The following ST6GALNAC3 variants were observed in gnomAD, a reference collection of about 807,000 sequenced individuals.
ST6GALNAC3 encodes the protein alpha-N-acetylgalactosaminide alpha-2,6-sialyltransferase 3.
In ST6GALNAC3, 25 loss-of-function variants were observed where a neutral mutation model predicts 32.7. The ratio of observed to expected loss-of-function variants is 0.76; its 90% confidence interval spans 0.56 to 1.07. The LOEUF (loss-of-function observed/expected upper bound fraction) is 1.07. ST6GALNAC3 is among the 50% of genes least tolerant of loss of function. The pLI is 0.00. For synonymous variants in ST6GALNAC3, 129 were observed against 133.1 expected (o/e 0.97, Z 0.21); for missense variants, 355 against 382.4 (o/e 0.93, Z 0.60).
intron 3 of ST6GALNAC3, among the ~76,000 whole-genome samples, chr1:76,418,385 G>T (rs1347957684): frequency 6.6e-6 from 1 of 151,500 alleles, no homozygotes; most frequent in Non-Finnish European, 1.5e-5. Context: ...CTTGAAGGTG[G>T]AGGGCAAAAA....
At chr1:76,363,707 G>A (rs1650144178) in intron 2 of ST6GALNAC3, among the ~76,000 whole-genome samples, 1 of 152,156 alleles carries the variant, frequency 6.6e-6, no homozygotes, top group South Asian at 2.1e-4. Context: ...AGGCTATGCA[G>A]GAAGCATGAT....
intron 2 of ST6GALNAC3, among the ~76,000 whole-genome samples, chr1:76,335,457 A>ACACACACACT (rs1553180885): frequency 6.9e-6 from 1 of 145,598 alleles, no homozygotes; most frequent in Non-Finnish European, 1.5e-5. Flanking sequence ...ACACACACAC[A>ACACACACACT]CTCACACTCA....
chr1:76,552,028 A>C (rs1664668335), intron 3 of ST6GALNAC3, among the ~76,000 whole-genome samples: 1 of 152,172 alleles, frequency 6.6e-6, no homozygotes, highest in Non-Finnish European at 1.5e-5. Context: ...ATGGGTTTCC[A>C]AGGGTGTGGA....
intron 1 of ST6GALNAC3, among the ~76,000 whole-genome samples, chr1:76,218,477 G>T (rs756031394): frequency 6.6e-6 from 1 of 152,336 alleles, no homozygotes; most frequent in African/African-American, 2.4e-5. Context: ...CTGGTATGGT[G>T]AGGATAACTA....
intron 2 of ST6GALNAC3, among the ~76,000 whole-genome samples, chr1:76,401,184 C>T (rs1653386108): frequency 6.6e-6 from 1 of 152,080 alleles, no homozygotes; most frequent in Non-Finnish European, 1.5e-5. Flanking sequence ...TAGTCCTTCT[C>T]ATTGTATTCT....
chr1:76,327,490 C>A (rs1647099874), intron 2 of ST6GALNAC3, among the ~76,000 whole-genome samples: 1 of 152,130 alleles, frequency 6.6e-6, no homozygotes, highest in African/African-American at 2.4e-5. Context: ...TCTATTAAAG[C>A]TTTCAACTGA....
rs997473925 is a variant in ST6GALNAC3, at chr1:76,174,056, A to G, written c.18+99172A>G. Among the ~76,000 whole-genome samples, 4 of 152,188 alleles carry G rather than the reference A, an allele frequency of 2.6e-5. No homozygotes were observed. In the East Asian group the frequency reaches 7.7e-4, roughly 29 times the overall value. ...GCACATGTATGTTTCCTACAGCACT[A>G]TTTACGATAGCAAAGACATGGAACC... On this transcript the variant is annotated intron_variant, in intron 1 of 4. Coordinates refer to ENST00000328299, the MANE Select transcript of ST6GALNAC3 (RefSeq NM_152996.4).
chr1:76,171,501 G>GTT (rs139355359), intron 1 of ST6GALNAC3, among the ~76,000 whole-genome samples: 110 of 146,086 alleles, frequency 7.5e-4, no homozygotes, highest in African/African-American at 2.7e-3. Flanking sequence ...TCCAGGAGCT[G>GTT]TTTTTTTTTT....
At chr1:76,273,026 T>C (rs1658939990) in intron 1 of ST6GALNAC3, among the ~76,000 whole-genome samples, 1 of 152,172 alleles carries the variant, frequency 6.6e-6, no homozygotes, top group African/African-American at 2.4e-5. Context: ...AGTCGTGCAT[T>C]TATAAATTTT....
intron 3 of ST6GALNAC3, among the ~76,000 whole-genome samples, chr1:76,530,743 C>T (rs149078866): frequency 2.6e-5 from 4 of 152,254 alleles, no homozygotes; most frequent in East Asian, 1.9e-4. Context: ...TCACCCATTT[C>T]GTGGATAAGG....
chr1:76,386,922 A>T (rs1450136224), intron 2 of ST6GALNAC3, among the ~76,000 whole-genome samples: 1 of 152,114 alleles, frequency 6.6e-6, no homozygotes, highest in Non-Finnish European at 1.5e-5. Context: ...TGGAAGTTTT[A>T]TTTTAGGGCC....
intron 2 of ST6GALNAC3, among the ~76,000 whole-genome samples, chr1:76,318,702 A>G (rs1646913758): frequency 1.3e-5 from 2 of 152,210 alleles, no homozygotes; most frequent in Non-Finnish European, 2.9e-5. Context: ...GGTAAAAAGT[A>G]TATGTCACCC....
intron 3 of ST6GALNAC3, among the ~76,000 whole-genome samples, chr1:76,534,313 G>T (rs1663457758): frequency 6.6e-6 from 1 of 152,114 alleles, no homozygotes; most frequent in African/African-American, 2.4e-5. Flanking sequence ...AAAGTGCTGG[G>T]ATAACAGGCT....
At chr1:76,579,659 GA>G (rs1646863756) in intron 3 of ST6GALNAC3, among the ~76,000 whole-genome samples, 1 of 151,816 alleles carries the variant, frequency 6.6e-6, no homozygotes, top group South Asian at 2.1e-4. Context: ...AACTGCAAGG[GA>G]AAAAAATGAT....
chr1:76,160,725 T>A (rs1332002924), intron 1 of ST6GALNAC3, among the ~76,000 whole-genome samples: 1 of 152,222 alleles, frequency 6.6e-6, no homozygotes, highest in African/African-American at 2.4e-5. Flanking sequence ...ACACACAGTC[T>A]ACTGAAGCAA....
intron 2 of ST6GALNAC3, 101 bp downstream of exon 2, chr1:76,314,100 G>T (rs578087251): frequency 1.1e-4 from 124 of 1,115,524 alleles, no homozygotes; most frequent in Non-Finnish European, 1.5e-4. Context: ...TACTCTGTCT[G>T]CCCCGGAGAG....
At chr1:76,553,503 C>T (rs2100378882) in intron 3 of ST6GALNAC3, among the ~76,000 whole-genome samples, 1 of 152,230 alleles carries the variant, frequency 6.6e-6, no homozygotes, top group Admixed American at 6.5e-5. Context: ...CTGGTGACAC[C>T]TATATCCAAA....
intron 3 of ST6GALNAC3, among the ~76,000 whole-genome samples, chr1:76,584,767 A>G (rs1273344359): frequency 6.6e-6 from 1 of 152,254 alleles, no homozygotes; most frequent in Non-Finnish European, 1.5e-5. Context: ...TCATGCAACA[A>G]AAGAAACTTA....
At chr1:76,564,496 T>C (rs993820341) in intron 3 of ST6GALNAC3, among the ~76,000 whole-genome samples, 3 of 151,856 alleles carry the variant, frequency 2.0e-5, no homozygotes, top group Non-Finnish European at 4.4e-5. Flanking sequence ...GCTAAATTAG[T>C]GGTGGATTCA....
Sources: gnomAD v4.1 joint callset for allele counts (sites outside exome capture counted in the v4.1 genomes callset) on GRCh38, gnomAD v4.1.1 for gene constraint, MANE v1.5 for transcripts, NCBI Gene and HGNC (gene_info 2026-07-23, HGNC 2026-07-21) for gene names.